The following ZFP2 variants were observed in gnomAD, a reference collection of about 807,000 sequenced individuals.
The protein encoded by ZFP2 is zinc finger protein ZFP2.
ZFP2 carries 33 observed loss-of-function variants against 36.1 expected under a neutral mutation model. The ratio of observed to expected loss-of-function variants is 0.92; its 90% CI spans 0.69 to 1.22. The LOEUF (loss-of-function observed/expected upper bound fraction) is 1.22, where lower values mean the gene tolerates loss of function less well. ZFP2 is among the 50% of genes most tolerant of loss of function. ZFP2 has a pLI of 0.00. For missense variants in ZFP2, 522 were observed against 551.4 expected (o/e 0.95, Z 0.53); for synonymous variants, 170 against 178.0 (o/e 0.96, Z 0.36).
chr5:178,926,815 G>A (rs1407482874), intron 4 of ZFP2, among the ~76,000 whole-genome samples: 1 of 152,196 alleles, frequency 6.6e-6, no homozygotes, highest in African/African-American at 2.4e-5. Context: ...ACCACGCCCG[G>A]CCACCTGCTG....
At chr5:178,906,264 C>G (rs2113063932) in intron 1 of ZFP2, among the ~76,000 whole-genome samples, 1 of 152,282 alleles carries the variant, frequency 6.6e-6, no homozygotes, top group Non-Finnish European at 1.5e-5. Flanking sequence ...CTTCTGTATT[C>G]AGCTAACAAG....
intron 4 of ZFP2, among the ~76,000 whole-genome samples, chr5:178,927,515 A>T (rs1344506748): frequency 4.3e-5 from 6 of 138,320 alleles, no homozygotes; most frequent in African/African-American, 1.6e-4. Context: ...TTTTTTTTTG[A>T]GACGGAGTTT....
In ZFP2 at chr5:178,932,080, A is replaced by G. The variant is rs1758860789; in HGVS notation, c.767A>G (p.His256Arg). 1 of 1,614,148 alleles carries G rather than the reference A, an allele frequency of 6.2e-7. No homozygotes were observed. The highest frequency in any genetic ancestry group is 8.5e-7 in the Non-Finnish European group (1 of 1,180,024). Residue 256 changes from histidine (H) to arginine (R), a missense_variant, in exon 5 of 5, where the codon CAT becomes CGT. Coordinates refer to ENST00000361362, the MANE Select transcript of ZFP2 (RefSeq NM_030613.4). ...ECGKAFSQSM[H>R]LIVHQRSHTG... ...GGAAAAGCCTTCAGTCAAAGCATGC[A>G]TCTTATTGTACATCAGAGAAGCCAT...
Position 178,931,534 on chromosome 5 carries a change from A to G in ZFP2, c.221A>G (p.His74Arg). ...QQSIPMVKRP[H>R]NCNSHGEDAT... Reference sequence around the variant, plus strand: ...AGCATTCCTATGGTAAAAAGGCCCCATAACTGTAATTCACATGGAGAAGAT... The same window carrying G: ...AGCATTCCTATGGTAAAAAGGCCCCGTAACTGTAATTCACATGGAGAAGAT... Residue 74 changes from histidine (H) to arginine (R), a missense_variant, in exon 5 of 5, where the codon CAT becomes CGT. By Grantham distance (29) the His-to-Arg change is conservative. Transcript: ENST00000361362. The G allele has an allele frequency of 5.0e-6, 8 of 1,614,198 alleles. No individual in the cohort carries two copies. The highest frequency in any genetic ancestry group is 2.2e-5 in the East Asian group (1 of 44,870).
At chr5:178,928,528 T>G (rs1306165490) in intron 4 of ZFP2, among the ~76,000 whole-genome samples, 1 of 152,204 alleles carries the variant, frequency 6.6e-6, no homozygotes, top group Non-Finnish European at 1.5e-5. Flanking sequence ...GGGCAGTCAT[T>G]AAATCTTAAA....
intron 1 of ZFP2, among the ~76,000 whole-genome samples, chr5:178,905,436 C>G (rs1758149148): frequency 1.3e-5 from 2 of 152,196 alleles, no homozygotes; most frequent in Non-Finnish European, 2.9e-5. Flanking sequence ...GCTGCAGTGC[C>G]TAAAACTTCA....
chr5:178,931,732 T>A lies in ZFP2; in HGVS notation c.419T>A (p.Ile140Asn). 1 of 1,614,088 alleles carries A rather than the reference T, an allele frequency of 6.2e-7. No homozygotes were observed. The highest frequency in any genetic ancestry group is 8.5e-7 in the Non-Finnish European group (1 of 1,180,022). The change falls in exon 5 of 5, where the codon ATT becomes AAT. Residue 140 changes from isoleucine to asparagine, a missense_variant. Ile to Asn is a moderately radical substitution (Grantham distance 149). Transcript: ENST00000361362. ...TGTAATGTATGTGGGAAACACTTCA[T>A]TGAACGATCCTCCCTTACTGTACAT... ...YKCNVCGKHF[I>N]ERSSLTVHQR... is the part of the protein sequence containing the mutation.
intron 3 of ZFP2, among the ~76,000 whole-genome samples, chr5:178,914,848 A>C (rs1182453490): frequency 2.6e-5 from 4 of 152,178 alleles, no homozygotes; most frequent in Non-Finnish European, 5.9e-5. Flanking sequence ...GCCACATGGG[A>C]GAACATTGAG....
chr5:178,898,316 C>T (rs1757982687), intron 1 of ZFP2, among the ~76,000 whole-genome samples: 1 of 152,146 alleles, frequency 6.6e-6, no homozygotes, highest in Admixed American at 6.5e-5. Flanking sequence ...GTTACTTAGG[C>T]ATAACTTGGC....
chr5:178,904,274 T>C (rs926998071), intron 1 of ZFP2, among the ~76,000 whole-genome samples: 3 of 152,166 alleles, frequency 2.0e-5, no homozygotes, highest in Non-Finnish European at 4.4e-5. Context: ...AGGCAAGATC[T>C]CCTTCTCTGA....
chr5:178,906,045 A>G (rs949391369), intron 1 of ZFP2, among the ~76,000 whole-genome samples: 1 of 152,162 alleles, frequency 6.6e-6, no homozygotes, highest in African/African-American at 2.4e-5. Flanking sequence ...GTGAGCCACC[A>G]TGTCTGGCCA....
rs1251868303 is a variant in ZFP2 at position 178,912,599 on chromosome 5, A to G, written c.-434A>G. ...GAATTTTTAGTTTCAGGAGTCAGTG[A>G]CCTTCAAGGATGTGTCCATAGATTT... On this transcript the variant is annotated 5_prime_UTR_variant, in exon 2 of 5. Coordinates refer to ENST00000361362, the MANE Select transcript of ZFP2 (RefSeq NM_030613.4). 2 of 1,005,306 alleles carry G rather than the reference A, an allele frequency of 2.0e-6. No individual in the cohort carries two copies. The highest frequency in any genetic ancestry group is 2.4e-6 in the Non-Finnish European group (2 of 831,190). The allele number at this position is 1,005,306 out of a possible 1,614,324, so 62.3% of individuals were successfully genotyped here.
chr5:178,912,651 A>G lies in ZFP2; in HGVS notation c.-382A>G. ...TCTTGGGAAGAGTGGATTCAAGCAG[A>G]TTCTGCTCAGAGGATGACCGTGTAT... is the stretch of plus-strand genomic sequence containing the variant. On this transcript the variant is annotated 5_prime_UTR_variant, in exon 2 of 5. Transcript: ENST00000361362. 9.4e-7 allele frequency: 1 copy of G among 1,059,364 alleles called. No homozygotes were observed. The highest frequency in any genetic ancestry group is 3.6e-5 in the South Asian group (1 of 27,882). The allele number at this position is 1,059,364 out of a possible 1,614,324, so 65.6% of individuals were successfully genotyped here. A position where few individuals can be genotyped will look rare whatever the true frequency, so the allele number is the denominator to read the frequency against.
chr5:178,917,145 AATC>A (rs1758449125), intron 4 of ZFP2, among the ~76,000 whole-genome samples: 1 of 152,230 alleles, frequency 6.6e-6, no homozygotes, highest in Non-Finnish European at 1.5e-5. Context: ...ATTAGATTTA[AATC>A]ATTTAATCAT....
intron 1 of ZFP2, chr5:178,910,741 C>T (rs1487474605): frequency 4.3e-6 from 1 of 235,264 alleles, no homozygotes; most frequent in Admixed American, 4.8e-5. Flanking sequence ...CAGTCAAACC[C>T]TTTCTGGAAA....
At position 178,932,107 on chromosome 5, in the gene ZFP2, C is replaced by T; in HGVS notation, c.794C>T (p.Thr265Ile). ...CTTATTGTACATCAGAGAAGCCATACTGGAGAAAAACCCTATGAGTGTAGT... is the reference window on the plus strand; with the variant it reads ...CTTATTGTACATCAGAGAAGCCATATTGGAGAAAAACCCTATGAGTGTAGT... ...MHLIVHQRSHTGEKPYECSQC... is the reference protein window; with the variant it reads ...MHLIVHQRSHIGEKPYECSQC... Residue 265 changes from threonine to isoleucine, a missense_variant, in exon 5 of 5, where the codon ACT becomes ATT. By Grantham distance (89) the Thr-to-Ile change is moderately conservative. Transcript: ENST00000361362. 2 of 1,612,096 alleles carry T rather than the reference C, an allele frequency of 1.2e-6. No homozygotes were observed. The highest frequency in any genetic ancestry group is 1.7e-6 in the Non-Finnish European group (2 of 1,178,358).
At chr5:178,896,620 C>T (rs1757948309) in intron 1 of ZFP2, among the ~76,000 whole-genome samples, 1 of 152,110 alleles carries the variant, frequency 6.6e-6, no homozygotes, top group Non-Finnish European at 1.5e-5. Context: ...TTCTTTTTTT[C>T]CTTAAGCGAT....
At chr5:178,903,252 A>G (rs1184152610) in intron 1 of ZFP2, among the ~76,000 whole-genome samples, 3 of 152,214 alleles carry the variant, frequency 2.0e-5, no homozygotes, top group Admixed American at 1.3e-4. Context: ...CCGTAGTTTC[A>G]TCTTTCCCAT....
intron 4 of ZFP2, among the ~76,000 whole-genome samples, chr5:178,928,086 G>C (rs961894780): frequency 1.6e-4 from 24 of 151,858 alleles, no homozygotes; most frequent in Non-Finnish European, 3.2e-4. Context: ...ACAGTACCAA[G>C]AGGGAGGGTG....
Sources: gnomAD v4.1 joint callset for allele counts (sites outside exome capture counted in the v4.1 genomes callset) on GRCh38, gnomAD v4.1.1 for gene constraint, MANE v1.5 for transcripts, NCBI Gene and HGNC (gene_info 2026-07-23, HGNC 2026-07-21) for gene names.